Variants in SRRM4 observed in about 807,000 individuals in gnomAD.
The protein encoded by SRRM4 is serine/arginine repetitive matrix 4.
In SRRM4, 33 loss-of-function variants were observed where a neutral mutation model predicts 68.9. The observed-to-expected ratio is 0.48, with a 90% CI of 0.36 to 0.64. The LOEUF (loss-of-function observed/expected upper bound fraction) is 0.64. SRRM4 is among the 30% of genes least tolerant of loss of function. The pLI is 0.00. For synonymous variants in SRRM4, 318 were observed against 318.8 expected (o/e 1.00, Z 0.03); for missense variants, 817 against 827.1 (o/e 0.99, Z 0.15).
chr12:119,130,409 A>AGATGGATGGATGGATG (rs71069491), intron 7 of SRRM4, among the ~76,000 whole-genome samples: 51 of 142,420 alleles, frequency 3.6e-4, no homozygotes, highest in Non-Finnish European at 5.9e-4. Flanking sequence ...TTGCTTAGAC[A>AGATGGATGGATGGATG]GATGGATGGA....
At chr12:119,033,477 C>T (rs1446988492) in intron 1 of SRRM4, among the ~76,000 whole-genome samples, 1 of 152,018 alleles carries the variant, frequency 6.6e-6, no homozygotes, top group Non-Finnish European at 1.5e-5. Context: ...CATCCTGGCC[C>T]ACATGGTGAA....
intron 1 of SRRM4, among the ~76,000 whole-genome samples, chr12:119,006,392 A>G (rs12309091): frequency 0.71 from 108,199 of 152,004 alleles, 39,523 homozygotes; most frequent in Middle Eastern, 0.88. Flanking sequence ...TTCCCACCAT[A>G]GAAAAATTGA....
intron 8 of SRRM4, 38 bp from the exon 9 acceptor site, chr12:119,145,343 A>T: frequency 6.4e-7 from 1 of 1,560,676 alleles, no homozygotes. Context: ...CCATGGGCCC[A>T]GCGCTCAGCA....
intron 9 of SRRM4, among the ~76,000 whole-genome samples, chr12:119,146,670 C>T (rs1196826296): frequency 6.6e-6 from 1 of 151,958 alleles, no homozygotes; most frequent in Non-Finnish European, 1.5e-5. Context: ...GGTGCGGTGG[C>T]TCACGCCTGT....
intron 2 of SRRM4, among the ~76,000 whole-genome samples, chr12:119,111,765 C>T (rs774237841): frequency 2.6e-5 from 4 of 152,266 alleles, no homozygotes; most frequent in Middle Eastern, 3.4e-3. Flanking sequence ...ATTTGGTGGC[C>T]GGGCACCATG....
rs554615614 is a variant in SRRM4 at position 119,040,141 on chromosome 12, A to G, written c.131+58128A>G. 3.0e-4 allele frequency among the ~76,000 whole-genome samples: 46 copies of G among 152,310 alleles called. 1 individual carries two copies. Among genetic ancestry groups the G allele is most frequent in the Admixed American group, 1.5e-3 (23 of 15,308 alleles). ...AGGAGAAAAAAAGGCACCTGTCCCT[A>G]CATTAATAACAATAAGAACAATAAT... On this transcript the variant is annotated intron_variant, in intron 1 of 12. Transcript: ENST00000267260.
intron 1 of SRRM4, among the ~76,000 whole-genome samples, chr12:119,080,707 A>G (rs1406986216): frequency 6.6e-6 from 1 of 152,246 alleles, no homozygotes; most frequent in African/African-American, 2.4e-5. Context: ...TCATTCTGGG[A>G]GCAATTACCA....
chr12:119,057,351 C>T (rs930691188), intron 1 of SRRM4, among the ~76,000 whole-genome samples: 2 of 152,170 alleles, frequency 1.3e-5, no homozygotes, highest in African/African-American at 4.8e-5. Context: ...CTCCCTCTCC[C>T]AGCCCCCTGA....
chr12:119,114,630 G>A (rs370271308), intron 3 of SRRM4, among the ~76,000 whole-genome samples: 1 of 150,790 alleles, frequency 6.6e-6, no homozygotes, highest in East Asian at 1.9e-4. Flanking sequence ...CCTGGCACAT[G>A]GTAAATGACT....
chr12:119,101,553 T>G (rs1954077651), intron 1 of SRRM4, among the ~76,000 whole-genome samples: 1 of 151,984 alleles, frequency 6.6e-6, no homozygotes, highest in South Asian at 2.1e-4. Flanking sequence ...TGCTTGTATA[T>G]TTTATCTCAT....
chr12:119,125,541 T>C, intron 7 of SRRM4, 62 bp downstream of exon 7: 1 of 1,454,290 alleles, frequency 6.9e-7, no homozygotes, highest in Non-Finnish European at 9.6e-7. Context: ...TAAGACACTG[T>C]TAACACTAGC....
intron 1 of SRRM4, among the ~76,000 whole-genome samples, chr12:119,081,912 G>T (rs1336494088): frequency 6.6e-6 from 1 of 151,420 alleles, no homozygotes; most frequent in African/African-American, 2.4e-5. Flanking sequence ...TAACGGAGAT[G>T]ATGAAGATTC....
chr12:119,081,271 G>A (rs1160723813), intron 1 of SRRM4, among the ~76,000 whole-genome samples: 1 of 152,208 alleles, frequency 6.6e-6, no homozygotes, highest in African/African-American at 2.4e-5. Context: ...CATACATTGG[G>A]GAGGGAGTAC....
At chr12:119,149,568 C>G (rs1322505400) in intron 9 of SRRM4, among the ~76,000 whole-genome samples, 1 of 151,980 alleles carries the variant, frequency 6.6e-6, no homozygotes, top group Non-Finnish European at 1.5e-5. Context: ...GTCGCCCAAC[C>G]CAGACAGGGG....
At chr12:119,048,627 G>A (rs79258434) in intron 1 of SRRM4, among the ~76,000 whole-genome samples, 3,544 of 152,142 alleles carry the variant, frequency 0.023, 55 homozygotes, top group Middle Eastern at 0.079. Flanking sequence ...GTAAAATAAG[G>A]ATAATAATAA....
intron 1 of SRRM4, among the ~76,000 whole-genome samples, chr12:119,006,583 C>A (rs545055079): frequency 6.6e-6 from 1 of 152,156 alleles, no homozygotes; most frequent in Non-Finnish European, 1.5e-5. Context: ...CCTCCTGGCT[C>A]CTCACTTTCT....
At chr12:119,035,849 G>A (rs1953623671) in intron 1 of SRRM4, among the ~76,000 whole-genome samples, 1 of 152,038 alleles carries the variant, frequency 6.6e-6, no homozygotes, top group Admixed American at 6.6e-5. Flanking sequence ...TGTACTTTGA[G>A]TCTTTTCATA....
chr12:119,124,056 T>C (rs1404315095), intron 6 of SRRM4, among the ~76,000 whole-genome samples: 2 of 152,216 alleles, frequency 1.3e-5, no homozygotes, highest in Non-Finnish European at 2.9e-5. Context: ...TGTGCCTCAG[T>C]TTCTTCATCT....
At chr12:118,988,665 A>G (rs548824201) in intron 1 of SRRM4, among the ~76,000 whole-genome samples, 3 of 152,356 alleles carry the variant, frequency 2.0e-5, no homozygotes, top group Non-Finnish European at 2.9e-5. Context: ...ACTTTCATTC[A>G]TTTATTCAGT....
Sources: allele counts gnomAD v4.1 joint callset (sites outside exome capture counted in the v4.1 genomes callset), GRCh38; gene constraint gnomAD v4.1.1; transcripts MANE v1.5; gene names NCBI Gene and HGNC (gene_info 2026-07-23, HGNC 2026-07-21).